Variants in KCNH1 observed in about 807,000 individuals in gnomAD.
KCNH1 encodes potassium voltage-gated channel subfamily H member 1.
Under a neutral mutation model 69.2 loss-of-function variants are expected in KCNH1, and 27 were observed. The ratio of observed to expected loss-of-function variants is 0.39; its 90% CI spans 0.29 to 0.54. KCNH1 has a LOEUF of 0.54. Among genes scored for constraint, KCNH1 ranks in the 20% least tolerant of loss-of-function variants. KCNH1 has a pLI of 0.68. For synonymous variants in KCNH1, 456 were observed against 487.7 expected (o/e 0.93, Z 0.86); for missense variants, 798 against 1,261.6 (o/e 0.63, Z 5.57).
intron 10 of KCNH1, among the ~76,000 whole-genome samples, chr1:210,731,662 T>C (rs934011326): frequency 6.6e-6 from 1 of 152,142 alleles, no homozygotes; most frequent in Non-Finnish European, 1.5e-5. Flanking sequence ...TAAATCCAGA[T>C]TAAATTACCT....
rs753039152 is a variant in KCNH1, at chr1:210,684,144, G to T, written c.2113-6C>A. ...CTGATCTTCCGGAACACAATCTGGA[G>T]AGAGAGAGAGAGAGAATGACATGGC... On this transcript the variant is annotated splice_region_variant and splice_polypyrimidine_tract_variant and intron_variant, in intron 10 of 10. Coordinates refer to ENST00000271751, the MANE Select transcript of KCNH1 (RefSeq NM_172362.3). 1 of 1,466,380 alleles carries T rather than the reference G, an allele frequency of 6.8e-7. No individual in the cohort carries two copies. The highest frequency in any genetic ancestry group is 2.3e-5 in the Admixed American group (1 of 42,756). The allele number at this position is 1,466,380 out of a possible 1,614,324, so 90.8% of individuals were successfully genotyped here. A position where few individuals can be genotyped will look rare whatever the true frequency, so the allele number is the denominator to read the frequency against.
At chr1:210,823,669 C>T (rs1684977356) in intron 7 of KCNH1, among the ~76,000 whole-genome samples, 1 of 152,140 alleles carries the variant, frequency 6.6e-6, no homozygotes, top group Non-Finnish European at 1.5e-5. Flanking sequence ...ATTAAATCCT[C>T]ACAACAATCC....
chr1:210,811,755 A>G (rs970738495), intron 7 of KCNH1, among the ~76,000 whole-genome samples: 7 of 152,170 alleles, frequency 4.6e-5, no homozygotes, highest in African/African-American at 1.4e-4. Context: ...GCAAAATAGT[A>G]ATGATAAATA....
rs148561485 is a variant in KCNH1, at chr1:210,688,658, T to A, written c.2113-4520A>T. On this transcript the variant is annotated intron_variant, in intron 10 of 10. Coordinates refer to ENST00000271751, the MANE Select transcript of KCNH1 (RefSeq NM_172362.3). ...GACCTCATACTGATTTCATCATCTCTTCCTGGCTGATTTTATTTTTTGAAC... is the reference window on the plus strand; with the variant it reads ...GACCTCATACTGATTTCATCATCTCATCCTGGCTGATTTTATTTTTTGAAC... 8.8e-4 allele frequency among the ~76,000 whole-genome samples: 134 copies of A among 152,346 alleles called. 1 individual carries two copies. In the East Asian group the frequency reaches 0.022, roughly 25 times the overall value.
chr1:211,019,452 T>C lies in KCNH1; in HGVS notation c.559-196A>G, dbSNP rs4951704. ...ATAATCATAAAGAAACAATTACAAA[T>C]TACTATTTGGCTGTGAGCCAAGTGT... On this transcript the variant is annotated intron_variant, in intron 5 of 10. Transcript: ENST00000271751. Among the ~76,000 whole-genome samples, 108,365 of 152,174 alleles carry C rather than the reference T, an allele frequency of 0.71. 39,504 individuals carry two copies. The highest frequency in any genetic ancestry group is 0.87 in the African/African-American group (36,205 of 41,544).
At chr1:210,839,544 G>C (rs1490630523) in intron 7 of KCNH1, among the ~76,000 whole-genome samples, 1 of 152,152 alleles carries the variant, frequency 6.6e-6, no homozygotes, top group Non-Finnish European at 1.5e-5. Context: ...ATGTGCCTGT[G>C]TAACAAACCC....
chr1:211,112,647 A>G (rs1180671300), intron 1 of KCNH1, among the ~76,000 whole-genome samples: 1 of 152,100 alleles, frequency 6.6e-6, no homozygotes, highest in African/African-American at 2.4e-5. Context: ...TAAAGTTCCA[A>G]AATAGTTTCC....
chr1:210,804,704 G>A (rs925242845), intron 7 of KCNH1, among the ~76,000 whole-genome samples: 5 of 152,088 alleles, frequency 3.3e-5, no homozygotes, highest in Admixed American at 2.0e-4. Flanking sequence ...AGCAAAAAAC[G>A]GAGCAGGAAT....
intron 7 of KCNH1, chr1:210,859,050 T>C: frequency 1.6e-6 from 1 of 632,692 alleles, no homozygotes; most frequent in Non-Finnish European, 2.8e-6. Flanking sequence ...GTTGTTGTGA[T>C]TTTTTTTCTG....
chr1:210,737,278 A>G (rs1219944752), intron 10 of KCNH1, among the ~76,000 whole-genome samples: 1 of 152,324 alleles, frequency 6.6e-6, no homozygotes, highest in East Asian at 1.9e-4. Context: ...CTGAGGGGGA[A>G]TAAAAGAAAG....
intron 10 of KCNH1, among the ~76,000 whole-genome samples, chr1:210,729,652 C>T (rs1288785846): frequency 2.0e-5 from 3 of 152,176 alleles, no homozygotes; most frequent in African/African-American, 7.2e-5. Flanking sequence ...TTGCAACACA[C>T]CTCACAACTT....
intron 6 of KCNH1, among the ~76,000 whole-genome samples, chr1:210,931,407 T>C (rs1160818852): frequency 6.6e-6 from 1 of 152,136 alleles, no homozygotes; most frequent in Non-Finnish European, 1.5e-5. Flanking sequence ...TAAATGAAGT[T>C]ACTCAAGAAT....
At chr1:211,074,591 G>A (rs2102460467) in intron 5 of KCNH1, among the ~76,000 whole-genome samples, 1 of 152,278 alleles carries the variant, frequency 6.6e-6, no homozygotes, top group Middle Eastern at 3.4e-3. Flanking sequence ...GACAAGAGGT[G>A]AACTGTAATA....
At position 210,893,844 on chromosome 1, in the gene KCNH1, A is replaced by G. The variant is rs1044768064; in HGVS notation, c.1462+25796T>C. Reference sequence around the variant, plus strand: ...TGCATATTGCTGTGTCTTCAAGTGTATTAATCTTCCCTTCTGTGATGTCTA... The same window carrying G: ...TGCATATTGCTGTGTCTTCAAGTGTGTTAATCTTCCCTTCTGTGATGTCTA... On this transcript the variant is annotated intron_variant, in intron 7 of 10. Transcript: ENST00000271751. 4.6e-5 allele frequency among the ~76,000 whole-genome samples: 7 copies of G among 152,132 alleles called. No individual in the cohort carries two copies. The South Asian group carries it at 6.2e-4, about 14-fold the overall frequency.
intron 1 of KCNH1, among the ~76,000 whole-genome samples, chr1:211,126,231 G>T (rs1691774015): frequency 6.6e-6 from 1 of 151,906 alleles, no homozygotes; most frequent in Admixed American, 6.6e-5. Flanking sequence ...CTGTGTATGG[G>T]GCCGGTGGTA....
intron 1 of KCNH1, among the ~76,000 whole-genome samples, chr1:211,109,339 T>C (rs6660415): frequency 0.23 from 35,718 of 152,082 alleles, 4,913 homozygotes; most frequent in African/African-American, 0.38. Context: ...CTGGAATGAA[T>C]AAAGTCAGAG....
intron 1 of KCNH1, among the ~76,000 whole-genome samples, chr1:211,107,609 G>A (rs189348181): frequency 2.7e-3 from 409 of 152,146 alleles, no homozygotes; most frequent in Non-Finnish European, 5.0e-3. Context: ...AAGAAGTTAG[G>A]AAAGAAAGCA....
At chr1:210,883,104 CA>C (rs1686530965) in intron 7 of KCNH1, among the ~76,000 whole-genome samples, 1 of 152,080 alleles carries the variant, frequency 6.6e-6, no homozygotes, top group African/African-American at 2.4e-5. Flanking sequence ...AGACCAGAGA[CA>C]AGTGCTAGGT....
At chr1:211,129,678 A>G (rs916356421) in intron 1 of KCNH1, among the ~76,000 whole-genome samples, 9 of 152,208 alleles carry the variant, frequency 5.9e-5, no homozygotes, top group African/African-American at 2.2e-4. Flanking sequence ...TAGAGGCACA[A>G]TGGATTTTAA....
Sources: gnomAD v4.1 joint callset for allele counts (sites outside exome capture counted in the v4.1 genomes callset) on GRCh38, gnomAD v4.1.1 for gene constraint, MANE v1.5 for transcripts, NCBI Gene and HGNC (gene_info 2026-07-23, HGNC 2026-07-21) for gene names.